Variants in GRIK1 observed in about 807,000 individuals in gnomAD.
The protein encoded by GRIK1 is glutamate receptor ionotropic, kainate 1.
In GRIK1, 69 loss-of-function variants were observed where a neutral mutation model predicts 105.7. The ratio of observed to expected loss-of-function variants is 0.65; its 90% confidence interval spans 0.54 to 0.80. GRIK1 has a LOEUF of 0.80. GRIK1 is among the 30% of genes least tolerant of loss of function. GRIK1 has a pLI of 0.00. For synonymous variants in GRIK1, 438 were observed against 431.3 expected, an observed-to-expected ratio of 1.02 and a Z score of -0.19; for missense variants, 1,109 against 1,167.3, an observed-to-expected ratio of 0.95 and a Z score of 0.73.
At chr21:29,663,401 G>C (rs1465888900) in intron 4 of GRIK1, among the ~76,000 whole-genome samples, 1 of 152,136 alleles carries the variant, frequency 6.6e-6, no homozygotes, top group Non-Finnish European at 1.5e-5. Flanking sequence ...ATAAATGCTG[G>C]ACTCAGCTGT....
chr21:29,672,593 A>C (rs1027519574), intron 4 of GRIK1, among the ~76,000 whole-genome samples: 1 of 152,182 alleles, frequency 6.6e-6, no homozygotes, highest in African/African-American at 2.4e-5. Context: ...TCTTGCCATG[A>C]GGAAGATGTA....
At chr21:29,691,767 T>C (rs898332029) in intron 2 of GRIK1, among the ~76,000 whole-genome samples, 2 of 152,234 alleles carry the variant, frequency 1.3e-5, no homozygotes, top group African/African-American at 2.4e-5. Flanking sequence ...GGCTCTGTAG[T>C]TACCTGACTT....
chr21:29,726,072 C>T (rs1435292285), intron 1 of GRIK1, among the ~76,000 whole-genome samples: 1 of 152,114 alleles, frequency 6.6e-6, no homozygotes, highest in Non-Finnish European at 1.5e-5. Context: ...GGCTTTTGTG[C>T]TTGGTCTGCT....
At chr21:29,857,905 T>C (rs539936289) in intron 1 of GRIK1, among the ~76,000 whole-genome samples, 1 of 152,292 alleles carries the variant, frequency 6.6e-6, no homozygotes, top group African/African-American at 2.4e-5. Context: ...TTTCCATTTT[T>C]ATTTATTTAT....
chr21:29,596,953 TAC>T (rs538669334), intron 8 of GRIK1, among the ~76,000 whole-genome samples: 26 of 150,732 alleles, frequency 1.7e-4, no homozygotes, highest in South Asian at 4.2e-4. Flanking sequence ...AATCAATCAA[TAC>T]ACACACACAC....
chr21:29,935,866 T>A (rs1602092389), intron 1 of GRIK1, among the ~76,000 whole-genome samples: 1 of 152,250 alleles, frequency 6.6e-6, no homozygotes, highest in East Asian at 1.9e-4. Flanking sequence ...ATATTAAAGG[T>A]CTTATAAAGA....
intron 1 of GRIK1, among the ~76,000 whole-genome samples, chr21:29,883,945 G>A (rs1367678138): frequency 2.0e-5 from 3 of 152,070 alleles, no homozygotes; most frequent in Non-Finnish European, 2.9e-5. Context: ...CTTCAGGCCT[G>A]AGATATTGAA....
At chr21:29,752,003 A>G (rs2065216809) in intron 1 of GRIK1, among the ~76,000 whole-genome samples, 1 of 152,240 alleles carries the variant, frequency 6.6e-6, no homozygotes, top group Admixed American at 6.5e-5. Flanking sequence ...TTGTCTCAGT[A>G]TAGAAAATCT....
chr21:29,557,091 A>G (rs529029946), intron 15 of GRIK1, among the ~76,000 whole-genome samples: 3 of 152,324 alleles, frequency 2.0e-5, no homozygotes, highest in Admixed American at 1.3e-4. Context: ...ACCTGTAGAC[A>G]TAGCTTCTCA....
At chr21:29,660,566 C>T (rs1415390329) in intron 4 of GRIK1, among the ~76,000 whole-genome samples, 2 of 152,186 alleles carry the variant, frequency 1.3e-5, no homozygotes, top group African/African-American at 4.8e-5. Context: ...CCATATGCCA[C>T]ACATAATTGG....
At chr21:29,700,130 G>A (rs1040162216) in intron 1 of GRIK1, among the ~76,000 whole-genome samples, 3 of 152,144 alleles carry the variant, frequency 2.0e-5, no homozygotes, top group African/African-American at 2.4e-5. Flanking sequence ...GTCACCACAG[G>A]AGCATTTCTG....
At chr21:29,571,033 C>T (rs1053921766) in intron 14 of GRIK1, among the ~76,000 whole-genome samples, 3 of 152,130 alleles carry the variant, frequency 2.0e-5, no homozygotes, top group South Asian at 2.1e-4. Context: ...GTCTCAGTCA[C>T]GTCTTAGCTT....
rs921222075 is a variant in GRIK1, at chr21:29,892,586, G to A, written c.118+46797C>T. On this transcript the variant is annotated intron_variant, in intron 1 of 17. Coordinates refer to ENST00000327783, the MANE Select transcript of GRIK1 (RefSeq NM_001330994.2). Reference sequence around the variant, plus strand: ...GGCTGCCTGGAAGGCTGGCACAGCCGTACCCACCCCATATCAGTTGCTGAT... The same window carrying A: ...GGCTGCCTGGAAGGCTGGCACAGCCATACCCACCCCATATCAGTTGCTGAT... 3.9e-5 allele frequency among the ~76,000 whole-genome samples: 6 copies of A among 152,296 alleles called. No homozygotes were observed. The South Asian group carries it at 8.3e-4, about 21-fold the overall frequency.
chr21:29,568,642 A>G (rs2090666571), intron 14 of GRIK1, among the ~76,000 whole-genome samples: 1 of 152,232 alleles, frequency 6.6e-6, no homozygotes, highest in Non-Finnish European at 1.5e-5. Context: ...GATTTGTTAC[A>G]AGGCAAGCTT....
chr21:29,587,446 G>A lies in GRIK1; in HGVS notation c.1713C>T (p.Leu571=), dbSNP rs201276284. ...TCCAAATATCTGGAGACAGGGGGTT[G>A]AGGAAGGAGAAAACGCCTGGATTGG... ...NGTNPGVFSF[L]NPLSPDIWMY... The change falls in exon 12 of 18, where the codon CTC becomes CTT. Residue 571 remains leucine, a synonymous_variant. Transcript: ENST00000327783. 1.2e-6 allele frequency: 2 copies of A among 1,613,778 alleles called. No homozygotes were observed. Among genetic ancestry groups the A allele is most frequent in the Non-Finnish European group, 8.5e-7 (1 of 1,179,702 alleles).
intron 4 of GRIK1, among the ~76,000 whole-genome samples, chr21:29,671,552 C>T (rs1032504810): frequency 2.6e-5 from 4 of 152,032 alleles, no homozygotes; most frequent in African/African-American, 9.7e-5. Flanking sequence ...AGATGGAGCA[C>T]CAGAGAGTCA....
rs746879709 is a variant in GRIK1 at position 29,592,052 on chromosome 21, A to T, written c.1252-827T>A. Among the ~76,000 whole-genome samples, 195 of 151,974 alleles carry T rather than the reference A, an allele frequency of 1.3e-3. 14 individuals carry two copies. The highest frequency in any genetic ancestry group is 3.4e-3 in the Middle Eastern group (1 of 294). ...GGTGACAGAGCGAGACACTGAAAAA[A>T]TAAAGTAATTTTTTCTTTAAAAAGA... On this transcript the variant is annotated intron_variant, in intron 9 of 17. Transcript: ENST00000327783.
At chr21:29,732,917 A>T (rs142918819) in intron 1 of GRIK1, among the ~76,000 whole-genome samples, 1 of 152,210 alleles carries the variant, frequency 6.6e-6, no homozygotes, top group African/African-American at 2.4e-5. Context: ...GATGAACAAG[A>T]CAAATGTGAA....
At chr21:29,676,809 A>C (rs1208834397) in intron 3 of GRIK1, among the ~76,000 whole-genome samples, 1 of 152,222 alleles carries the variant, frequency 6.6e-6, no homozygotes, top group Non-Finnish European at 1.5e-5. Context: ...CATATATGGC[A>C]AAAGAAGGCT....
Sources: gnomAD v4.1 joint callset for allele counts (sites outside exome capture counted in the v4.1 genomes callset) on GRCh38, gnomAD v4.1.1 for gene constraint, MANE v1.5 for transcripts, NCBI Gene and HGNC (gene_info 2026-07-23, HGNC 2026-07-21) for gene names.